The following RIT2 variants were observed in gnomAD, a reference collection of about 807,000 sequenced individuals.
RIT2 encodes GTP-binding protein Rit2.
In RIT2, 24 loss-of-function variants were observed where a neutral mutation model predicts 23.7. The observed-to-expected ratio is 1.01, with a 90% CI of 0.73 to 1.43. RIT2 has a LOEUF of 1.43. Among genes scored for constraint, RIT2 ranks in the 40% most tolerant of loss-of-function variants. The probability of loss-of-function intolerance (pLI) is 0.00; values close to 1 mark genes in which losing one functional copy is unlikely to be tolerated. For synonymous variants in RIT2, 107 were observed against 91.1 expected, an observed-to-expected ratio of 1.17 and a Z score of -0.99; for missense variants, 236 against 266.9, an observed-to-expected ratio of 0.88 and a Z score of 0.81.
At chr18:42,891,516 G>A (rs141886596) in intron 4 of RIT2, among the ~76,000 whole-genome samples, 2 of 152,202 alleles carry the variant, frequency 1.3e-5, no homozygotes, top group East Asian at 3.9e-4. Context: ...GTAGGTAAAT[G>A]CATAAACAAA....
intron 1 of RIT2, among the ~76,000 whole-genome samples, chr18:43,085,128 T>G (rs1388903347): frequency 6.6e-6 from 1 of 151,964 alleles, no homozygotes; most frequent in African/African-American, 2.4e-5. Context: ...AGTATCTTTT[T>G]AAAAGTATTT....
At chr18:43,066,156 T>C (rs1912766231) in intron 1 of RIT2, among the ~76,000 whole-genome samples, 2 of 152,186 alleles carry the variant, frequency 1.3e-5, no homozygotes, top group Admixed American at 6.5e-5. Flanking sequence ...TTGAGTTCTA[T>C]CTATTTAATT....
rs554329380 is a variant in RIT2 at position 42,825,026 on chromosome 18, A to G, written c.427-81306T>C. On this transcript the variant is annotated intron_variant, in intron 4 of 4. Transcript: ENST00000326695. ...TGCAGGAATCTGACATTTTGCACAT[A>G]TAACCAGTTCTACAATTTTGACTGA... Among the ~76,000 whole-genome samples the G allele has an allele frequency of 2.0e-5, 3 of 152,030 alleles. No homozygotes were observed. The South Asian group carries it at 6.2e-4, about 31-fold the overall frequency.
Position 42,764,124 on chromosome 18 carries a change from C to T in RIT2, c.427-20404G>A, listed in dbSNP as rs1913367803. Among the ~76,000 whole-genome samples, 3 of 152,186 alleles carry T rather than the reference C, an allele frequency of 2.0e-5. No homozygotes were observed. In the South Asian group the frequency reaches 6.2e-4, roughly 31 times the overall value. On this transcript the variant is annotated intron_variant, in intron 4 of 4. Coordinates refer to ENST00000326695, the MANE Select transcript of RIT2 (RefSeq NM_002930.4). ...AAATAATGCTGCAGAGAAGATTAAA[C>T]CAACAGAACTCAGAAATGACTGTTA...
intron 4 of RIT2, among the ~76,000 whole-genome samples, chr18:42,832,972 T>G (rs1480318144): frequency 1.3e-5 from 2 of 148,434 alleles, no homozygotes; most frequent in African/African-American, 2.5e-5. Flanking sequence ...GAGAATCACT[T>G]GAACCCCAGA....
At chr18:42,842,725 T>C (rs1170433118) in intron 4 of RIT2, among the ~76,000 whole-genome samples, 1 of 152,124 alleles carries the variant, frequency 6.6e-6, no homozygotes, top group Admixed American at 6.5e-5. Flanking sequence ...ATGCCACAAG[T>C]GGAAAATTCC....
intron 1 of RIT2, among the ~76,000 whole-genome samples, chr18:43,087,150 G>A (rs564418968): frequency 5.9e-5 from 9 of 152,134 alleles, no homozygotes; most frequent in Non-Finnish European, 1.2e-4. Flanking sequence ...TCTGAGGTAT[G>A]AGAATCACTT....
chr18:43,092,222 CA>C (rs1913439177), intron 1 of RIT2, among the ~76,000 whole-genome samples: 1 of 152,064 alleles, frequency 6.6e-6, no homozygotes, highest in African/African-American at 2.4e-5. Flanking sequence ...ATGCTTTTAG[CA>C]AGGACTCTGT....
intron 2 of RIT2, among the ~76,000 whole-genome samples, chr18:43,028,154 C>A (rs1457503161): frequency 6.6e-6 from 1 of 151,892 alleles, no homozygotes; most frequent in Non-Finnish European, 1.5e-5. Context: ...ATAGGAAATG[C>A]ACCTGTATGT....
intron 4 of RIT2, among the ~76,000 whole-genome samples, chr18:42,886,642 G>A (rs1908029781): frequency 6.6e-6 from 1 of 152,178 alleles, no homozygotes; most frequent in Non-Finnish European, 1.5e-5. Context: ...TGGTATGTGA[G>A]AGGATTGGCA....
At chr18:43,115,064 G>T (rs1914036366) in intron 1 of RIT2, among the ~76,000 whole-genome samples, 1 of 152,122 alleles carries the variant, frequency 6.6e-6, no homozygotes, top group Admixed American at 6.5e-5. Flanking sequence ...CTTTCTTTAT[G>T]TGAAGATTTT....
intron 4 of RIT2, among the ~76,000 whole-genome samples, chr18:42,796,988 C>G (rs1185889247): frequency 6.6e-6 from 1 of 152,046 alleles, no homozygotes; most frequent in Admixed American, 6.5e-5. Flanking sequence ...TACCTAGAAG[C>G]TAATCTTAGA....
intron 4 of RIT2, among the ~76,000 whole-genome samples, chr18:42,798,001 T>C (rs1170416181): frequency 6.6e-6 from 1 of 152,250 alleles, no homozygotes; most frequent in East Asian, 1.9e-4. Flanking sequence ...CTTTCAGATC[T>C]ACATATTCTG....
chr18:42,889,690 A>C (rs538356171), intron 4 of RIT2, among the ~76,000 whole-genome samples: 2 of 152,212 alleles, frequency 1.3e-5, no homozygotes, highest in South Asian at 4.1e-4. Context: ...CATTATTGAC[A>C]AGCTTCCTTT....
intron 4 of RIT2, among the ~76,000 whole-genome samples, chr18:42,865,811 C>A (rs1275269597): frequency 1.3e-5 from 2 of 152,142 alleles, no homozygotes; most frequent in African/African-American, 4.8e-5. Flanking sequence ...ACAATATACT[C>A]TGCATATATT....
At chr18:42,875,136 T>A (rs1419851774) in intron 4 of RIT2, among the ~76,000 whole-genome samples, 1 of 152,048 alleles carries the variant, frequency 6.6e-6, no homozygotes, top group Admixed American at 6.6e-5. Context: ...TTTTCCCCAC[T>A]TCCTGCCATT....
At chr18:43,100,205 C>A (rs745888220) in intron 1 of RIT2, among the ~76,000 whole-genome samples, 1 of 151,728 alleles carries the variant, frequency 6.6e-6, no homozygotes, top group Non-Finnish European at 1.5e-5. Context: ...TCCATTGATG[C>A]GACAATAGGA....
At chr18:42,790,136 C>A (rs1261682206) in intron 4 of RIT2, among the ~76,000 whole-genome samples, 1 of 152,154 alleles carries the variant, frequency 6.6e-6, no homozygotes, top group Non-Finnish European at 1.5e-5. Flanking sequence ...AACTTCAATT[C>A]TTTCACATAG....
intron 1 of RIT2, among the ~76,000 whole-genome samples, chr18:43,067,388 G>A (rs542064649): frequency 6.6e-6 from 1 of 152,224 alleles, no homozygotes; most frequent in African/African-American, 2.4e-5. Flanking sequence ...GTGACCATGT[G>A]CATGACATAC....
Sources: gnomAD v4.1 joint callset for allele counts (sites outside exome capture counted in the v4.1 genomes callset) on GRCh38, gnomAD v4.1.1 for gene constraint, MANE v1.5 for transcripts, NCBI Gene and HGNC (gene_info 2026-07-23, HGNC 2026-07-21) for gene names.